Variants in UNC13C observed in about 807,000 individuals in gnomAD.
UNC13C encodes the protein unc-13 homolog C.
UNC13C carries 174 observed loss-of-function variants against 245.4 expected under a neutral mutation model. The ratio of observed to expected loss-of-function variants is 0.71; its 90% CI spans 0.63 to 0.80. The LOEUF is 0.80. Among genes scored for constraint, UNC13C ranks in the 30% least tolerant of loss-of-function variants. The probability of loss-of-function intolerance (pLI) is 0.00; values close to 1 mark genes in which losing one functional copy is unlikely to be tolerated. For synonymous variants in UNC13C, 992 were observed against 895.1 expected (o/e 1.11, Z -1.93); for missense variants, 2,829 against 2,602.9 (o/e 1.09, Z -1.89).
chr15:54,390,520 A>T (rs1048688122), intron 17 of UNC13C, among the ~76,000 whole-genome samples: 1 of 152,078 alleles, frequency 6.6e-6, no homozygotes, highest in African/African-American at 2.4e-5. Context: ...TTTAGTCACT[A>T]TTATAATAAT....
chr15:54,015,468 G>C lies in UNC13C; in HGVS notation c.2565G>C (p.Glu855Asp). ...CACTTGACTCTGATGTCTACACGGA[G>C]CCCTATTACTATAAAGCAGAGGATG... is the stretch of plus-strand genomic sequence containing the variant. ...STTLDSDVYT[E>D]PYYYKAEDEE... Residue 855 changes from glutamate (E) to aspartate (D), a missense_variant, in exon 2 of 33, where the codon GAG becomes GAC. Coordinates refer to ENST00000260323, the MANE Select transcript of UNC13C (RefSeq NM_001080534.3). 1 of 1,613,426 alleles carries C rather than the reference G, an allele frequency of 6.2e-7. No individual in the cohort carries two copies. Among genetic ancestry groups the C allele is most frequent in the Non-Finnish European group, 8.5e-7 (1 of 1,179,668 alleles).
intron 2 of UNC13C, among the ~76,000 whole-genome samples, chr15:54,079,621 T>C (rs986996872): frequency 1.3e-5 from 2 of 152,126 alleles, no homozygotes; most frequent in Non-Finnish European, 2.9e-5. Flanking sequence ...TTGAGCACTA[T>C]TGGTGTATGA....
At chr15:54,138,083 T>C (rs1336706237) in intron 2 of UNC13C, among the ~76,000 whole-genome samples, 1 of 152,178 alleles carries the variant, frequency 6.6e-6, no homozygotes, top group East Asian at 1.9e-4. Flanking sequence ...CAGGAGTGTG[T>C]TGTTTTATTT....
chr15:54,290,717 C>T (rs1401604368), intron 10 of UNC13C, among the ~76,000 whole-genome samples: 1 of 151,984 alleles, frequency 6.6e-6, no homozygotes, highest in Non-Finnish European at 1.5e-5. Context: ...CTTTACCTTG[C>T]TTTTATAGCA....
chr15:54,006,111 A>C (rs1172521975), intron 1 of UNC13C, among the ~76,000 whole-genome samples: 1 of 152,174 alleles, frequency 6.6e-6, no homozygotes, highest in African/African-American at 2.4e-5. Flanking sequence ...TCATAAACTG[A>C]GATACTATCC....
intron 14 of UNC13C, among the ~76,000 whole-genome samples, chr15:54,322,703 A>G (rs1283627968): frequency 1.3e-5 from 2 of 152,068 alleles, no homozygotes; most frequent in Non-Finnish European, 2.9e-5. Flanking sequence ...CCATCAGTGT[A>G]ACTCTTTCTC....
chr15:54,493,115 AG>A (rs1156610151), intron 19 of UNC13C, among the ~76,000 whole-genome samples: 1 of 152,230 alleles, frequency 6.6e-6, no homozygotes, highest in Non-Finnish European at 1.5e-5. Context: ...TCTGGGTTTC[AG>A]GGTAGTATTG....
chr15:54,296,653 C>T (rs2037444489), intron 11 of UNC13C, among the ~76,000 whole-genome samples: 1 of 152,150 alleles, frequency 6.6e-6, no homozygotes, highest in Admixed American at 6.5e-5. Flanking sequence ...GAAAAGTCAG[C>T]AGACATTCCA....
At chr15:53,881,506 A>G in the UNC13C span, among the ~76,000 whole-genome samples, 1 of 152,214 alleles carries the variant, frequency 6.6e-6, no homozygotes, top group South Asian at 2.1e-4. Flanking sequence ...GGTTGCTATG[A>G]ATGGGAAATA....
At chr15:54,605,839 T>C (rs192077535) in intron 30 of UNC13C, among the ~76,000 whole-genome samples, 64 of 152,324 alleles carry the variant, frequency 4.2e-4, no homozygotes, top group Non-Finnish European at 7.2e-4. Flanking sequence ...CATAACATTT[T>C]CTCTCCGTAT....
intron 1 of UNC13C, among the ~76,000 whole-genome samples, chr15:53,998,500 G>A (rs1412716194): frequency 1.3e-5 from 2 of 151,944 alleles, no homozygotes; most frequent in Non-Finnish European, 2.9e-5. Flanking sequence ...TTAGTTTTCA[G>A]CTTTTATACT....
At chr15:53,895,624 C>G in the UNC13C span, among the ~76,000 whole-genome samples, 1 of 152,116 alleles carries the variant, frequency 6.6e-6, no homozygotes, top group Non-Finnish European at 1.5e-5. Flanking sequence ...GTTTTCTATT[C>G]TCCAGCTGTC....
At chr15:54,074,999 G>C (rs1898519375) in intron 2 of UNC13C, among the ~76,000 whole-genome samples, 1 of 152,052 alleles carries the variant, frequency 6.6e-6, no homozygotes, top group Non-Finnish European at 1.5e-5. Context: ...GGTGATGTAG[G>C]TTTTTAGTAT....
chr15:54,397,310 T>C (rs2040091028), intron 18 of UNC13C, among the ~76,000 whole-genome samples: 1 of 151,540 alleles, frequency 6.6e-6, no homozygotes, highest in African/African-American at 2.4e-5. Context: ...TGCTTTGGCA[T>C]CTTGGAGAAA....
At chr15:54,148,790 A>T (rs1158009261) in intron 4 of UNC13C, among the ~76,000 whole-genome samples, 1 of 152,136 alleles carries the variant, frequency 6.6e-6, no homozygotes, top group Non-Finnish European at 1.5e-5. Context: ...GGCTGTTTCG[A>T]CTGCCCTTTC....
At chr15:54,204,073 G>C (rs73409941) in intron 4 of UNC13C, among the ~76,000 whole-genome samples, 46,626 of 151,246 alleles carry the variant, frequency 0.31, 7,217 homozygotes, top group African/African-American at 0.34. Context: ...TATGTTCTCA[G>C]TCATATGTGG....
chr15:54,198,053 T>G (rs1021215288), intron 4 of UNC13C, among the ~76,000 whole-genome samples: 2 of 151,982 alleles, frequency 1.3e-5, no homozygotes, highest in African/African-American at 2.4e-5. Flanking sequence ...GACTGCCAGC[T>G]TTTCCTCACT....
At chr15:53,912,995 T>G in the UNC13C span, 1 of 152,206 alleles carries the variant, frequency 6.6e-6, no homozygotes, top group African/African-American at 2.4e-5. Flanking sequence ...TGATGGGACT[T>G]GGCTAATGCA....
chr15:54,431,475 G>A (rs1205789463), intron 19 of UNC13C, among the ~76,000 whole-genome samples: 1 of 151,586 alleles, frequency 6.6e-6, no homozygotes, highest in Admixed American at 6.6e-5. Context: ...GTATATTAGA[G>A]TGTACAACTA....
Sources: gnomAD v4.1 joint callset for allele counts (sites outside exome capture counted in the v4.1 genomes callset) on GRCh38, gnomAD v4.1.1 for gene constraint, MANE v1.5 for transcripts, NCBI Gene and HGNC (gene_info 2026-07-23, HGNC 2026-07-21) for gene names.